The following TCN2 variants were observed in gnomAD, a reference collection of about 807,000 sequenced individuals.
TCN2 encodes transcobalamin 2.
Under a neutral mutation model 48.6 loss-of-function variants are expected in TCN2, and 34 were observed. The observed-to-expected ratio is 0.70, with a 90% CI of 0.53 to 0.93. The LOEUF (loss-of-function observed/expected upper bound fraction) is 0.93. TCN2 is among the 40% of genes least tolerant of loss of function. The pLI is 0.00. For missense variants in TCN2, 652 were observed against 526.1 expected, an observed-to-expected ratio of 1.24 and a Z score of -2.34; for synonymous variants, 283 against 212.5, an observed-to-expected ratio of 1.33 and a Z score of -2.89.
rs1569047380 is a variant in TCN2 at position 30,624,082 on chromosome 22, T to TATATA, written c.1222+999_1222+1000insATATA. Among the ~76,000 whole-genome samples, 2 of 80,934 alleles carry TATATA rather than the reference T, an allele frequency of 2.5e-5. 1 individual carries two copies. Among genetic ancestry groups the TATATA allele is most frequent in the African/African-American group, 1.1e-4 (2 of 18,174 alleles). 53.1% of individuals were successfully genotyped at this position (80,934 alleles called of 152,430 possible). A position where few individuals can be genotyped will look rare whatever the true frequency, so the allele number is the denominator to read the frequency against. On this transcript the variant is annotated intron_variant, in intron 8 of 8. Transcript: ENST00000215838. ...CACACATATATATATATATATATAT[T>TATATA]TTTTTTTTTTGAGATGGAGTCTTGC...
At chr22:30,617,994 G>A (rs1215496294) in intron 7 of TCN2, among the ~76,000 whole-genome samples, 2 of 152,132 alleles carry the variant, frequency 1.3e-5, no homozygotes, top group East Asian at 1.9e-4. Context: ...AGGCTGGAGT[G>A]TAATTGTGCA....
rs1234046185 is a variant in TCN2 at position 30,614,472 on chromosome 22, A to G, written c.551A>G (p.Glu184Gly). Reference protein sequence around the residue: ...SVVDKLLYAVEPFHQGHHSVD... With the variant: ...SVVDKLLYAVGPFHQGHHSVD... ...GTGGACAAACTTCTGTATGCTGTGG[A>G]ACCTTTCCACCAGGGCCACCATTCT... is the stretch of plus-strand genomic sequence containing the variant. The change falls in exon 4 of 9, where the codon GAA becomes GGA. Residue 184 changes from glutamate to glycine, a missense_variant. Coordinates refer to ENST00000215838, the MANE Select transcript of TCN2 (RefSeq NM_000355.4). 1.9e-6 allele frequency: 3 copies of G among 1,614,120 alleles called. No individual in the cohort carries two copies. Among genetic ancestry groups the G allele is most frequent in the Non-Finnish European group, 2.5e-6 (3 of 1,180,010 alleles).
Position 30,614,428 on chromosome 22 carries a change from G to C in TCN2, c.507G>C (p.Lys169Asn), listed in dbSNP as rs758543548. 6 of 1,614,190 alleles carry C rather than the reference G, an allele frequency of 3.7e-6. No individual in the cohort carries two copies. Among genetic ancestry groups the C allele is most frequent in the Non-Finnish European group, 3.4e-6 (4 of 1,180,032 alleles). Reference protein sequence around the residue: ...LGILALCLHQKRVHDSVVDKL... With the variant: ...LGILALCLHQNRVHDSVVDKL... Reference sequence around the variant, plus strand: ...TTCTGGCCCTGTGTCTCCACCAGAAGCGGGTCCATGACAGCGTGGTGGACA... The same window carrying C: ...TTCTGGCCCTGTGTCTCCACCAGAACCGGGTCCATGACAGCGTGGTGGACA... Residue 169 changes from lysine to asparagine, a missense_variant, in exon 4 of 9, where the codon AAG becomes AAC. By Grantham distance (94) the Lys-to-Asn change is moderately conservative (BLOSUM62 0). Transcript: ENST00000215838.
At chr22:30,620,777 A>G (rs1051140000) in intron 7 of TCN2, among the ~76,000 whole-genome samples, 3 of 152,174 alleles carry the variant, frequency 2.0e-5, no homozygotes, top group East Asian at 3.9e-4. Context: ...GTGTGCATGG[A>G]TGCCTCAACT....
intron 1 of TCN2, among the ~76,000 whole-genome samples, chr22:30,608,756 C>T (rs1164265986): frequency 1.3e-5 from 2 of 152,108 alleles, no homozygotes; most frequent in Non-Finnish European, 2.9e-5. Flanking sequence ...GGCCCAGGAA[C>T]CCCAGCTCTT....
intron 3 of TCN2, among the ~76,000 whole-genome samples, chr22:30,614,077 A>T (rs1341994297): frequency 6.6e-6 from 1 of 152,158 alleles, no homozygotes; most frequent in East Asian, 1.9e-4. Flanking sequence ...CTTGGTCTGC[A>T]TTCTCGTTGC....
chr22:30,607,273 G>A lies in TCN2; in HGVS notation c.-59G>A. On this transcript the variant is annotated 5_prime_UTR_variant, in exon 1 of 9. Coordinates refer to ENST00000215838, the MANE Select transcript of TCN2 (RefSeq NM_000355.4). ...AGCTGTGGTCAGGAGAGCCTCAGCAGGGCCAGCCCCAGGAGTCTTTCCCGA... is the reference window on the plus strand; with the variant it reads ...AGCTGTGGTCAGGAGAGCCTCAGCAAGGCCAGCCCCAGGAGTCTTTCCCGA... 1 of 1,601,740 alleles carries A rather than the reference G, an allele frequency of 6.2e-7. No individual in the cohort carries two copies. The highest frequency in any genetic ancestry group is 8.6e-7 in the Non-Finnish European group (1 of 1,168,982).
intron 1 of TCN2, among the ~76,000 whole-genome samples, chr22:30,608,298 G>T (rs746740372): frequency 5.9e-5 from 9 of 152,258 alleles, no homozygotes; most frequent in African/African-American, 2.2e-4. Context: ...GAAGTCGAGG[G>T]TTGGAGGGGC....
At position 30,612,945 on chromosome 22, in the gene TCN2, C is replaced by T. The variant is rs528481728; in HGVS notation, c.330C>T (p.Leu110=). ...TGGGCCAGCTGGCCCTCTACCTGCTCGCTCTCAGAGCCAACTGTGAGTTTG... is the reference window on the plus strand; with the variant it reads ...TGGGCCAGCTGGCCCTCTACCTGCTTGCTCTCAGAGCCAACTGTGAGTTTG... ...PSMGQLALYL[L]ALRANCEFVR... Residue 110 remains leucine (L), a synonymous_variant, in exon 3 of 9, where the codon CTC becomes CTT. Coordinates refer to ENST00000215838, the MANE Select transcript of TCN2 (RefSeq NM_000355.4). The T allele has an allele frequency of 6.2e-4, 1,001 of 1,614,178 alleles. 17 individuals carry two copies. In the South Asian group the frequency reaches 9.6e-3, roughly 16 times the overall value.
intron 7 of TCN2, among the ~76,000 whole-genome samples, chr22:30,621,017 G>A (rs140920882): frequency 6.6e-6 from 1 of 152,310 alleles, no homozygotes; most frequent in Non-Finnish European, 1.5e-5. Flanking sequence ...TTTTGAGACG[G>A]AGTTGCATTC....
At chr22:30,624,187 G>A (rs1206493270) in intron 8 of TCN2, among the ~76,000 whole-genome samples, 1 of 150,900 alleles carries the variant, frequency 6.6e-6, no homozygotes, top group Non-Finnish European at 1.5e-5. Context: ...CAATTCTCCT[G>A]CCTCAGCCTC....
chr22:30,612,080 AG>A (rs994617271), intron 2 of TCN2, among the ~76,000 whole-genome samples: 5 of 151,914 alleles, frequency 3.3e-5, no homozygotes, highest in Non-Finnish European at 7.4e-5. Context: ...CTTAAAAAAA[AG>A]AAAAAGAAAA....
intron 4 of TCN2, among the ~76,000 whole-genome samples, chr22:30,615,008 C>G (rs2087591907): frequency 6.6e-6 from 1 of 152,206 alleles, no homozygotes; most frequent in South Asian, 2.1e-4. Context: ...TTGGGCCTCC[C>G]TCCTCCAGTC....
Position 30,615,627 on chromosome 22 carries a change from G to A in TCN2, c.780G>A (p.Gly260=), listed in dbSNP as rs1326354890. ...LQFLMTSPMR[G]AELGTACLKA... is the part of the protein sequence containing the mutation. ...TCCTCATGACTTCCCCCATGCGTGG[G>A]GCAGAACTGGGAACAGCATGTCTCA... The change falls in exon 6 of 9, where the codon GGG becomes GGA. Residue 260 remains glycine, a synonymous_variant. Coordinates refer to ENST00000215838, the MANE Select transcript of TCN2 (RefSeq NM_000355.4). The A allele has an allele frequency of 1.9e-6, 3 of 1,613,982 alleles. No homozygotes were observed. The highest frequency in any genetic ancestry group is 2.5e-6 in the Non-Finnish European group (3 of 1,180,016).
At chr22:30,615,882 G>A in intron 6 of TCN2, 95 bp downstream of exon 6, 1 of 1,512,652 alleles carries the variant, frequency 6.6e-7, no homozygotes. Context: ...CTGATTTGCT[G>A]AGTCAGCACA....
chr22:30,611,866 G>GT (rs1159798327), intron 2 of TCN2, among the ~76,000 whole-genome samples: 3 of 152,204 alleles, frequency 2.0e-5, no homozygotes, highest in Non-Finnish European at 4.4e-5. Context: ...CTGTTTTGGG[G>GT]TTTGAATGAG....
In TCN2 at chr22:30,619,783, C is replaced by T. The variant is rs1036064897; in HGVS notation, c.1106+2288C>T. On this transcript the variant is annotated intron_variant, in intron 7 of 8. Transcript: ENST00000215838. ...GAAATGCAAAGACTCCTCTGAAGTA[C>T]AAACATTCTCCCAGACCCCAGGTTA... Among the ~76,000 whole-genome samples, 5 of 152,312 alleles carry T rather than the reference C, an allele frequency of 3.3e-5. 1 individual carries two copies. The highest frequency in any genetic ancestry group is 3.3e-4 in the Admixed American group (5 of 15,288).
At chr22:30,625,402 TAA>T (rs10579068) in intron 8 of TCN2, among the ~76,000 whole-genome samples, 76,987 of 149,680 alleles carry the variant, frequency 0.51, 20,136 homozygotes, top group East Asian at 0.8. Flanking sequence ...TTTTTTAATT[TAA>T]AAAAAAAAAA....
At chr22:30,617,730 C>G (rs942498855) in intron 7 of TCN2, 2 of 552,746 alleles carry the variant, frequency 3.6e-6, no homozygotes, top group South Asian at 1.9e-5. Context: ...AGTTGGAATC[C>G]CAACTCTAAC....
Sources: gnomAD v4.1 joint callset for allele counts (sites outside exome capture counted in the v4.1 genomes callset) on GRCh38, gnomAD v4.1.1 for gene constraint, MANE v1.5 for transcripts, NCBI Gene and HGNC (gene_info 2026-07-23, HGNC 2026-07-21) for gene names.